MEMO1: variants seen among roughly 807,000 people sequenced by gnomAD.
The protein encoded by MEMO1 is protein MEMO1.
In MEMO1, 6 loss-of-function variants were observed where a neutral mutation model predicts 45.2. The observed-to-expected ratio is 0.13, with a 90% CI of 0.07 to 0.26. The LOEUF (loss-of-function observed/expected upper bound fraction) is 0.26, where lower values mean the gene tolerates loss of function less well. Among genes scored for constraint, MEMO1 ranks in the 10% least tolerant of loss-of-function variants. MEMO1 has a pLI of 1.00. For synonymous variants in MEMO1, 78 were observed against 124.3 expected (o/e 0.63, Z 2.48); for missense variants, 184 against 370.5 (o/e 0.50, Z 4.13).
In MEMO1 at chr2:31,938,421, C is replaced by T. The variant is rs556280121; in HGVS notation, c.143+4881G>A. Among the ~76,000 whole-genome samples the T allele has an allele frequency of 4.4e-3, 666 of 151,538 alleles. 4 individuals are homozygous for T. The highest frequency in any genetic ancestry group is 0.015 in the African/African-American group (634 of 41,340). The stretch of plus-strand genomic sequence containing the variant: ...CAGCACTTTGGGAGGCCGAGGCAGG[C>T]GGATCACGAGGTCAGGAGATCGAGA... On this transcript the variant is annotated intron_variant, in intron 3 of 9. Coordinates refer to ENST00000404530, the MANE Select transcript of MEMO1 (RefSeq NM_001301833.4).
At chr2:31,985,349 T>C (rs1671133179) in intron 2 of MEMO1, among the ~76,000 whole-genome samples, 1 of 152,206 alleles carries the variant, frequency 6.6e-6, no homozygotes, top group African/African-American at 2.4e-5. Context: ...TTTATCGAGA[T>C]GGAGTCTCGC....
At chr2:31,971,976 A>G (rs1200878543) in intron 2 of MEMO1, among the ~76,000 whole-genome samples, 1 of 152,108 alleles carries the variant, frequency 6.6e-6, no homozygotes, top group Non-Finnish European at 1.5e-5. Flanking sequence ...TCTCAAAAAA[A>G]AAGAAAAGAA....
chr2:31,912,402 A>G (rs978062700), intron 6 of MEMO1, among the ~76,000 whole-genome samples: 6 of 151,730 alleles, frequency 4.0e-5, no homozygotes, highest in African/African-American at 1.5e-4. Context: ...AATCCCAGCC[A>G]CTCAGGAGGC....
chr2:31,903,280 C>G (rs1275401336), intron 6 of MEMO1, among the ~76,000 whole-genome samples: 1 of 152,192 alleles, frequency 6.6e-6, no homozygotes, highest in Non-Finnish European at 1.5e-5. Context: ...ATTAAACCAA[C>G]TGTAACAACA....
At chr2:31,914,868 G>C (rs543868977) in intron 6 of MEMO1, among the ~76,000 whole-genome samples, 2 of 150,620 alleles carry the variant, frequency 1.3e-5, no homozygotes, top group East Asian at 3.9e-4. Context: ...GAGGTAGGAA[G>C]ATCCCTTGAG....
intron 3 of MEMO1, among the ~76,000 whole-genome samples, chr2:31,937,269 A>C (rs1665027105): frequency 6.6e-6 from 1 of 152,226 alleles, no homozygotes; most frequent in East Asian, 1.9e-4. Context: ...TACATAATAG[A>C]ATCTCATAAA....
intron 2 of MEMO1, among the ~76,000 whole-genome samples, chr2:31,980,004 T>C (rs1419533485): frequency 2.0e-5 from 3 of 147,068 alleles, no homozygotes; most frequent in Non-Finnish European, 4.5e-5. Context: ...GAAACTGTCT[T>C]AATTTAAAAA....
intron 4 of MEMO1, among the ~76,000 whole-genome samples, chr2:31,927,619 T>C (rs796172052): frequency 3.4e-5 from 5 of 147,680 alleles, no homozygotes; most frequent in African/African-American, 1.2e-4. Context: ...AGTAAAACTG[T>C]AAGACATTTT....
intron 6 of MEMO1, among the ~76,000 whole-genome samples, chr2:31,901,778 G>T (rs934983217): frequency 6.6e-6 from 1 of 151,628 alleles, no homozygotes; most frequent in Non-Finnish European, 1.5e-5. Flanking sequence ...GCGTGGTGGC[G>T]TGCACCTGTA....
At chr2:31,889,993 C>G (rs1324581890) in intron 7 of MEMO1, among the ~76,000 whole-genome samples, 1 of 151,970 alleles carries the variant, frequency 6.6e-6, no homozygotes, top group African/African-American at 2.4e-5. Context: ...TCCAAGAAAT[C>G]AGGAGACAAA....
At chr2:31,937,223 C>T (rs1289429076) in intron 3 of MEMO1, among the ~76,000 whole-genome samples, 1 of 152,034 alleles carries the variant, frequency 6.6e-6, no homozygotes, top group Admixed American at 6.6e-5. Context: ...CAAAAAAGTC[C>T]AAGTTAGATA....
rs1470062365 is a variant in MEMO1 at position 31,868,427 on chromosome 2, C to T, written c.828G>A (p.Ser276=). ...TGTCTTGCCAGTTTCTACACTGGCTCGACTGGGCATAATTCAAAAACGAAA... is the reference window on the plus strand; with the variant it reads ...TGTCTTGCCAGTTTCTACACTGGCTTGACTGGGCATAATTCAAAAACGAAA... The part of the protein sequence containing the change: ...MSFSFLNYAQ[S]SQCRNWQDSS... The change falls in exon 10 of 10, where the codon TCG becomes TCA. Residue 276 remains serine (S), a synonymous_variant. Coordinates refer to ENST00000404530, the MANE Select transcript of MEMO1 (RefSeq NM_001301833.4). The T allele has an allele frequency of 5.6e-6, 9 of 1,600,382 alleles. No homozygotes were observed. Among genetic ancestry groups the T allele is most frequent in the East Asian group, 2.3e-5 (1 of 44,312 alleles).
intron 6 of MEMO1, among the ~76,000 whole-genome samples, chr2:31,895,982 T>G (rs1271643209): frequency 6.6e-6 from 1 of 151,728 alleles, no homozygotes; most frequent in African/African-American, 2.4e-5. Context: ...TAGCTGGGAC[T>G]ACAGGCGCCC....
intron 9 of MEMO1, 106 bp from the exon 10 acceptor site, chr2:31,868,598 T>A: frequency 1.1e-5 from 11 of 1,039,892 alleles, no homozygotes; most frequent in Non-Finnish European, 1.4e-5. Context: ...GCCTAGATTA[T>A]CTCTTTTGCT....
intron 2 of MEMO1, among the ~76,000 whole-genome samples, chr2:32,007,971 G>C (rs937356688): frequency 2.0e-5 from 3 of 152,058 alleles, no homozygotes; most frequent in African/African-American, 7.2e-5. Context: ...CACATATCTG[G>C]CCTTAATTTT....
rs1675707607 is a variant in MEMO1 at position 31,883,451 on chromosome 2, G to A, written c.592C>T (p.Arg198Cys). The change falls in exon 8 of 10, where the codon CGT becomes TGT. Residue 198 changes from arginine to cysteine, a missense_variant. This residue lies in a region of MEMO1 where 97 missense variants were observed against 209.3 expected (regional missense o/e 0.46). Coordinates refer to ENST00000404530, the MANE Select transcript of MEMO1 (RefSeq NM_001301833.4). ...SDFCHWGQRFRYSYYDESQGE... is the reference protein window; with the variant it reads ...SDFCHWGQRFCYSYYDESQGE... ...TGGGATTCATCATAGTAACTGTAAC[G>A]GAACCTTTGACCTTGAAACAAATAT... is the stretch of plus-strand genomic sequence containing the variant. 1 of 1,587,592 alleles carries A rather than the reference G, an allele frequency of 6.3e-7. No individual in the cohort carries two copies. Among genetic ancestry groups the A allele is most frequent in the Non-Finnish European group, 8.6e-7 (1 of 1,168,772 alleles).
At chr2:31,906,255 C>A (rs1273488853) in intron 6 of MEMO1, among the ~76,000 whole-genome samples, 2 of 152,040 alleles carry the variant, frequency 1.3e-5, no homozygotes, top group African/African-American at 4.8e-5. Context: ...CCGGCGTGAG[C>A]CACCGCACCC....
chr2:31,972,463 C>T (rs1359558136), intron 2 of MEMO1, among the ~76,000 whole-genome samples: 1 of 152,180 alleles, frequency 6.6e-6, no homozygotes, highest in Non-Finnish European at 1.5e-5. Context: ...ATAATCCCAG[C>T]ACTTTGGGAG....
At chr2:31,903,251 A>T (rs538067470) in intron 6 of MEMO1, among the ~76,000 whole-genome samples, 1 of 152,184 alleles carries the variant, frequency 6.6e-6, no homozygotes, top group African/African-American at 2.4e-5. Flanking sequence ...CAGTCCCAGT[A>T]TCTTAAGATG....
Sources: allele counts gnomAD v4.1 joint callset (sites outside exome capture counted in the v4.1 genomes callset), GRCh38; gene constraint gnomAD v4.1.1; regional missense constraint gnomAD v4.1.1; transcripts MANE v1.5; gene names NCBI Gene and HGNC (gene_info 2026-07-23, HGNC 2026-07-21).